The following SYT14 variants were observed in gnomAD, a reference collection of about 807,000 sequenced individuals.
The protein encoded by SYT14 is synaptotagmin 14.
A neutral mutation model predicts 74.2 loss-of-function variants in SYT14; 32 were observed. The ratio of observed to expected loss-of-function variants is 0.43; its 90% CI spans 0.33 to 0.58. The LOEUF (loss-of-function observed/expected upper bound fraction) is 0.58. SYT14 is among the 20% of genes least tolerant of loss of function. The pLI is 0.05. For synonymous variants in SYT14, 298 were observed against 337.7 expected (o/e 0.88, Z 1.29); for missense variants, 791 against 981.8 (o/e 0.81, Z 2.60).
At chr1:210,069,318 G>A (rs941050907) in intron 5 of SYT14, among the ~76,000 whole-genome samples, 1 of 151,944 alleles carries the variant, frequency 6.6e-6, no homozygotes, top group Non-Finnish European at 1.5e-5. Context: ...CTCATCTGCT[G>A]TATCTTTCCT....
intron 5 of SYT14, among the ~76,000 whole-genome samples, chr1:210,052,922 T>C (rs1368835864): frequency 6.6e-6 from 1 of 152,156 alleles, no homozygotes; most frequent in African/African-American, 2.4e-5. Flanking sequence ...AGATGTGATA[T>C]TAAATGCCAA....
chr1:210,054,303 C>T (rs2081056253), intron 5 of SYT14, among the ~76,000 whole-genome samples: 1 of 152,074 alleles, frequency 6.6e-6, no homozygotes, highest in South Asian at 2.1e-4. Flanking sequence ...CAAGATTATT[C>T]ATTTGATATT....
At chr1:210,083,613 A>G (rs2081660410) in intron 5 of SYT14, among the ~76,000 whole-genome samples, 1 of 151,348 alleles carries the variant, frequency 6.6e-6, no homozygotes, top group Admixed American at 6.6e-5. Flanking sequence ...TGTGTTGCCC[A>G]GGCTGGAGTG....
intron 5 of SYT14, among the ~76,000 whole-genome samples, chr1:210,073,274 G>C (rs1197064601): frequency 6.6e-6 from 1 of 151,850 alleles, no homozygotes; most frequent in African/African-American, 2.4e-5. Flanking sequence ...TATTCTTACT[G>C]TGTAGTTTCA....
chr1:210,033,790 A>G (rs116297514), intron 5 of SYT14, among the ~76,000 whole-genome samples: 4,140 of 151,894 alleles, frequency 0.027, 199 homozygotes, highest in African/African-American at 0.093. Flanking sequence ...AAAACGTATC[A>G]TGGGATTTTG....
At chr1:209,951,542 A>G (rs900379682) in intron 1 of SYT14, among the ~76,000 whole-genome samples, 1 of 152,144 alleles carries the variant, frequency 6.6e-6, no homozygotes, top group Non-Finnish European at 1.5e-5. Flanking sequence ...ACCATGTGCC[A>G]TTATCTTTTA....
chr1:210,101,543 A>G (rs1404321132), intron 7 of SYT14, among the ~76,000 whole-genome samples: 1 of 152,068 alleles, frequency 6.6e-6, no homozygotes, highest in Non-Finnish European at 1.5e-5. Flanking sequence ...GTATATTCAT[A>G]TGGGTTTCTA....
At chr1:210,121,749 G>T (rs560579131) in intron 7 of SYT14, among the ~76,000 whole-genome samples, 2 of 149,586 alleles carry the variant, frequency 1.3e-5, no homozygotes, top group East Asian at 3.9e-4. Flanking sequence ...AGCCAAGATC[G>T]CACCACTGCA....
intron 2 of SYT14, among the ~76,000 whole-genome samples, chr1:209,958,730 T>G (rs1207915290): frequency 6.6e-6 from 1 of 152,234 alleles, no homozygotes; most frequent in Non-Finnish European, 1.5e-5. Context: ...TTTCCATAGA[T>G]ATTTTGGGTT....
chr1:209,968,141 C>A (rs2079184583), intron 2 of SYT14, among the ~76,000 whole-genome samples: 1 of 152,150 alleles, frequency 6.6e-6, no homozygotes, highest in Non-Finnish European at 1.5e-5. Flanking sequence ...TATATCTATG[C>A]ATAAGTTCAC....
chr1:210,113,548 G>A (rs528839991), intron 7 of SYT14, among the ~76,000 whole-genome samples: 1 of 151,200 alleles, frequency 6.6e-6, no homozygotes, highest in African/African-American at 2.5e-5. Context: ...AGCATACTGT[G>A]GGATGGGATA....
At chr1:210,139,803 T>C (rs2082877787) in intron 7 of SYT14, among the ~76,000 whole-genome samples, 1 of 152,240 alleles carries the variant, frequency 6.6e-6, no homozygotes, top group South Asian at 2.1e-4. Flanking sequence ...TTTTATCATG[T>C]ATCCATACTT....
At chr1:209,962,609 C>T (rs767031812) in intron 2 of SYT14, among the ~76,000 whole-genome samples, 1 of 151,990 alleles carries the variant, frequency 6.6e-6, no homozygotes, top group South Asian at 2.1e-4. Flanking sequence ...GGGTGCCTAC[C>T]GCATTGACTC....
exon 10 of SYT14, chr1:210,161,929 C>A (rs1464533517): frequency 2.2e-6 from 1 of 452,148 alleles, no homozygotes. Flanking sequence ...ACATTTTTTA[C>A]AAACTGAAAA....
intron 4 of SYT14, among the ~76,000 whole-genome samples, chr1:210,019,806 T>C (rs865850901): frequency 3.3e-5 from 5 of 152,346 alleles, no homozygotes; most frequent in South Asian, 2.1e-4. Flanking sequence ...TTAACTACTG[T>C]AGTCTCTTCA....
intron 5 of SYT14, among the ~76,000 whole-genome samples, chr1:210,034,499 T>C (rs1157737159): frequency 6.6e-6 from 1 of 151,696 alleles, no homozygotes; most frequent in African/African-American, 2.4e-5. Context: ...ATAGATATAT[T>C]GCATAGTGGT....
At chr1:210,040,409 C>T (rs1439425055) in intron 5 of SYT14, among the ~76,000 whole-genome samples, 2 of 151,836 alleles carry the variant, frequency 1.3e-5, no homozygotes, top group Non-Finnish European at 2.9e-5. Context: ...AGGAGAAATA[C>T]CTAATGTAGA....
chr1:210,024,063 C>T (rs2080358947), intron 5 of SYT14, among the ~76,000 whole-genome samples: 1 of 152,054 alleles, frequency 6.6e-6, no homozygotes, highest in African/African-American at 2.4e-5. Context: ...CCACTTGGCT[C>T]CAACATAGGT....
At chr1:210,072,348 A>T (rs2081411245) in intron 5 of SYT14, among the ~76,000 whole-genome samples, 1 of 151,916 alleles carries the variant, frequency 6.6e-6, no homozygotes, top group African/African-American at 2.4e-5. Context: ...ATAGTAATAG[A>T]TCTCATTATA....
Sources: gnomAD v4.1 joint callset for allele counts (sites outside exome capture counted in the v4.1 genomes callset) on GRCh38, gnomAD v4.1.1 for gene constraint, MANE v1.5 for transcripts, NCBI Gene and HGNC (gene_info 2026-07-23, HGNC 2026-07-21) for gene names.